Variants in NCOR2 observed in about 807,000 individuals in gnomAD.
The protein encoded by NCOR2 is nuclear receptor corepressor 2.
NCOR2 carries 81 observed loss-of-function variants against 262.9 expected under a neutral mutation model. The observed-to-expected ratio is 0.31, with a 90% CI of 0.26 to 0.37. NCOR2 has a LOEUF of 0.37. NCOR2 is among the 10% of genes least tolerant of loss of function. The pLI is 1.00. For missense variants in NCOR2, 3,385 were observed against 3,621.4 expected, an observed-to-expected ratio of 0.93 and a Z score of 1.68; for synonymous variants, 1,659 against 1,559.3, an observed-to-expected ratio of 1.06 and a Z score of -1.51.
At chr12:124,347,096 C>A (rs1187980418) in intron 30 of NCOR2, among the ~76,000 whole-genome samples, 1 of 152,252 alleles carries the variant, frequency 6.6e-6, no homozygotes, top group African/African-American at 2.4e-5. Context: ...AGGCTGGGTG[C>A]AGTAGCTCAC....
intron 5 of NCOR2, among the ~76,000 whole-genome samples, chr12:124,460,722 C>T (rs545419641): frequency 1.3e-5 from 2 of 152,322 alleles, no homozygotes; most frequent in Non-Finnish European, 2.9e-5. Flanking sequence ...TCGGAGAGGA[C>T]ACTTGGATAG....
At chr12:124,340,053 C>T (rs371694854) in exon 37 of NCOR2, 3 of 1,612,828 alleles carry the variant, frequency 1.9e-6, no homozygotes, top group African/African-American at 2.7e-5. Flanking sequence ...TGATACCCTT[C>T]ATGCCTGTGT....
intron 1 of NCOR2, among the ~76,000 whole-genome samples, chr12:124,520,798 T>G (rs560870233): frequency 6.6e-6 from 1 of 152,042 alleles, no homozygotes; most frequent in Non-Finnish European, 1.5e-5. Context: ...CCCTCCATAC[T>G]TCGAAAAAGC....
chr12:124,508,374 T>C (rs969582621), intron 1 of NCOR2, among the ~76,000 whole-genome samples: 1 of 152,110 alleles, frequency 6.6e-6, no homozygotes, highest in African/African-American at 2.4e-5. Context: ...GCTCAGACAG[T>C]AAACAAATGC....
At chr12:124,411,154 C>T (rs557869655) in intron 13 of NCOR2, among the ~76,000 whole-genome samples, 14 of 151,364 alleles carry the variant, frequency 9.2e-5, no homozygotes, top group African/African-American at 2.4e-4. Flanking sequence ...GACGGGAAAG[C>T]ACATGCAGAG....
intron 16 of NCOR2, among the ~76,000 whole-genome samples, chr12:124,392,058 G>A (rs1009622613): frequency 3.3e-5 from 5 of 152,206 alleles, no homozygotes; most frequent in South Asian, 2.1e-4. Context: ...GTACACACGC[G>A]TGTGGAGGGC....
intron 19 of NCOR2, among the ~76,000 whole-genome samples, chr12:124,373,550 TGCGCAGGGGCCCCGGGCACA>T: frequency 3.1e-5 from 3 of 98,246 alleles, no homozygotes; most frequent in Admixed American, 2.0e-4. Flanking sequence ...GGCCAGTGCG[TGCGCAGGGGCCCCGGGCACA>T]GTGGGCAGTG....
chr12:124,523,366 A>G lies in NCOR2; in HGVS notation c.-118+12199T>C, dbSNP rs988207796. Among the ~76,000 whole-genome samples, 4 of 152,250 alleles carry G rather than the reference A, an allele frequency of 2.6e-5. No homozygotes were observed. Among genetic ancestry groups the G allele is most frequent in the Admixed American group, 2.6e-4 (4 of 15,290 alleles). On this transcript the variant is annotated intron_variant, in intron 1 of 46. Transcript: ENST00000404621. The surrounding 1 kb of genome is among the most constrained non-coding windows in gnomAD (Gnocchi z 4.0). ...CCTGTTCTGGGGCTCCTGGGAACCC[A>G]CACCCCGGTGGCAGGGGCAGCGGCA...
chr12:124,355,505 G>C lies in NCOR2; in HGVS notation c.3308C>G (p.Ser1103Cys), dbSNP rs767111739. 5 of 1,609,810 alleles carry C rather than the reference G, an allele frequency of 3.1e-6. No individual in the cohort carries two copies. In the African/African-American group the frequency reaches 4.0e-5, roughly 13 times the overall value. The change falls in exon 24 of 47, where the codon TCC becomes TGC. Residue 1103 changes from serine (S) to cysteine (C), a missense_variant. Physicochemically the swap from Ser to Cys is moderately radical, Grantham distance 112. Transcript: ENST00000405201. Reference sequence around the variant, plus strand: ...AGAGGAGATGAGGGGAGGCGGGTTGGAGATGGTGGGTGGGCGCGGCAGGAC... The same window carrying C: ...AGAGGAGATGAGGGGAGGCGGGTTGCAGATGGTGGGTGGGCGCGGCAGGAC...
chr12:124,330,838 G>A lies in NCOR2; in HGVS notation c.6958+7C>T, dbSNP rs1455757979. On this transcript the variant is annotated splice_region_variant and intron_variant, in intron 44 of 46. Coordinates refer to ENST00000405201, the Ensembl canonical transcript of NCOR2. Reference sequence around the variant, plus strand: ...GGCAGCCATATAGCAAGGGCTGGATGGGTTACCTGTTCCGGTGATGGCGGG... The same window carrying A: ...GGCAGCCATATAGCAAGGGCTGGATAGGTTACCTGTTCCGGTGATGGCGGG... 2 of 1,573,102 alleles carry A rather than the reference G, an allele frequency of 1.3e-6. No homozygotes were observed. Among genetic ancestry groups the A allele is most frequent in the African/African-American group, 1.3e-5 (1 of 74,340 alleles).
intron 15 of NCOR2, among the ~76,000 whole-genome samples, chr12:124,400,013 TAAG>T (rs1213134718): frequency 6.6e-6 from 1 of 152,072 alleles, no homozygotes; most frequent in Non-Finnish European, 1.5e-5. Context: ...CATGACATTC[TAAG>T]AAGGAGTGGT....
In NCOR2 at chr12:124,563,813, C is replaced by T. The variant is rs370279685; in HGVS notation, c.-165+3495G>A. Among the ~76,000 whole-genome samples, 9 of 152,356 alleles carry T rather than the reference C, an allele frequency of 5.9e-5. No homozygotes were observed. In the East Asian group the frequency reaches 1.4e-3, roughly 23 times the overall value. The stretch of plus-strand genomic sequence containing the variant: ...TCCTGCCCCACCTGGGGCAAAGATC[C>T]GTAGGTGCTGCTCAAAGAAGAAACA... On this transcript the variant is annotated intron_variant, in intron 1 of 32. Coordinates refer to the NCOR2 transcript ENST00000458234.
At chr12:124,484,332 C>A (rs2047663072) in intron 2 of NCOR2, among the ~76,000 whole-genome samples, 1 of 152,186 alleles carries the variant, frequency 6.6e-6, no homozygotes, top group Non-Finnish European at 1.5e-5. Flanking sequence ...CAGCCTGGTG[C>A]AGAGACTGGA....
chr12:124,414,604 G>A (rs2042761337), intron 13 of NCOR2, among the ~76,000 whole-genome samples: 1 of 152,244 alleles, frequency 6.6e-6, no homozygotes, highest in African/African-American at 2.4e-5. Context: ...GGCCCAGGAA[G>A]GGAGGGAGAA....
chr12:124,492,142 C>T (rs1342634584), intron 1 of NCOR2, among the ~76,000 whole-genome samples: 1 of 152,214 alleles, frequency 6.6e-6, no homozygotes, highest in African/African-American at 2.4e-5. Context: ...TGCACCATTC[C>T]ACCGCCAGCT....
chr12:124,526,624 A>G (rs2137122523), intron 1 of NCOR2, among the ~76,000 whole-genome samples: 1 of 152,246 alleles, frequency 6.6e-6, no homozygotes, highest in Non-Finnish European at 1.5e-5. Context: ...AGGAGAAACC[A>G]CGAGGTGGGG....
intron 15 of NCOR2, among the ~76,000 whole-genome samples, chr12:124,399,481 T>C (rs1486364555): frequency 6.6e-6 from 1 of 152,010 alleles, no homozygotes; most frequent in African/African-American, 2.4e-5. Flanking sequence ...AGCTGGAAAA[T>C]ATCTGCAGGA....
At chr12:124,419,500 G>A (rs1016828218) in intron 13 of NCOR2, among the ~76,000 whole-genome samples, 2 of 152,320 alleles carry the variant, frequency 1.3e-5, no homozygotes, top group African/African-American at 4.8e-5. Flanking sequence ...AAAAAACGGC[G>A]AGCTGAAGTA....
At chr12:124,501,691 C>T (rs543554771) in intron 1 of NCOR2, among the ~76,000 whole-genome samples, 5 of 152,310 alleles carry the variant, frequency 3.3e-5, no homozygotes, top group East Asian at 3.9e-4. Context: ...CTCCCCTATC[C>T]GGTTGTGACC....
Sources: allele counts gnomAD v4.1 joint callset (sites outside exome capture counted in the v4.1 genomes callset), GRCh38; gene constraint gnomAD v4.1.1; non-coding constraint Gnocchi (gnomAD v3.1); transcripts MANE v1.5; gene names NCBI Gene and HGNC (gene_info 2026-07-23, HGNC 2026-07-21).